ADAMTS12: variants seen among roughly 807,000 people sequenced by gnomAD.
The protein encoded by ADAMTS12 is A disintegrin and metalloproteinase with thrombospondin motifs 12.
Under a neutral mutation model 167.8 loss-of-function variants are expected in ADAMTS12, and 118 were observed. That is an observed-to-expected ratio of 0.70 (90% CI 0.61 to 0.82). The LOEUF is 0.82. Ranked by LOEUF, ADAMTS12 falls within the 40% of genes least tolerant of loss-of-function variation. ADAMTS12 has a pLI of 0.00. For synonymous variants in ADAMTS12, 704 were observed against 716.9 expected (o/e 0.98, Z 0.29); for missense variants, 1,916 against 1,998.8 (o/e 0.96, Z 0.79).
intron 2 of ADAMTS12, among the ~76,000 whole-genome samples, chr5:33,842,724 C>T (rs73760045): frequency 0.023 from 3,470 of 152,292 alleles, 138 homozygotes; most frequent in African/African-American, 0.079. Flanking sequence ...AGTGCAGAGA[C>T]CCTGTAGGTG....
At chr5:33,838,832 T>A (rs1012173282) in intron 2 of ADAMTS12, among the ~76,000 whole-genome samples, 8 of 152,012 alleles carry the variant, frequency 5.3e-5, no homozygotes, top group African/African-American at 1.9e-4. Flanking sequence ...AGGAAGAGCT[T>A]ACCACAGAAT....
At chr5:33,617,013 A>G (rs1739053472) in intron 14 of ADAMTS12, among the ~76,000 whole-genome samples, 1 of 152,174 alleles carries the variant, frequency 6.6e-6, no homozygotes, top group African/African-American at 2.4e-5. Context: ...TGCGAAAGGA[A>G]TTCTGGGGCA....
At chr5:33,848,627 T>C (rs985257826) in intron 2 of ADAMTS12, among the ~76,000 whole-genome samples, 4 of 152,192 alleles carry the variant, frequency 2.6e-5, no homozygotes, top group African/African-American at 9.7e-5. Flanking sequence ...TACAGGTTAC[T>C]TGAGGTTGTT....
chr5:33,694,702 T>C (rs1276931107), intron 3 of ADAMTS12, among the ~76,000 whole-genome samples: 2 of 152,210 alleles, frequency 1.3e-5, no homozygotes, highest in East Asian at 1.9e-4. Context: ...CATGCAGTGA[T>C]GGAAGCTTGA....
At chr5:33,790,973 A>G (rs1309284563) in intron 2 of ADAMTS12, among the ~76,000 whole-genome samples, 3 of 152,014 alleles carry the variant, frequency 2.0e-5, no homozygotes, top group African/African-American at 4.8e-5. Context: ...CATTGGTCAG[A>G]GGGTTGCATG....
intron 2 of ADAMTS12, among the ~76,000 whole-genome samples, chr5:33,844,543 A>C (rs997512344): frequency 6.6e-6 from 1 of 152,148 alleles, no homozygotes; most frequent in Non-Finnish European, 1.5e-5. Flanking sequence ...ATTCCCACCT[A>C]ATAAATTTTG....
intron 14 of ADAMTS12, 68 bp downstream of exon 14, chr5:33,624,163 C>T (rs55647002): frequency 6.3e-7 from 1 of 1,597,172 alleles, no homozygotes; most frequent in Non-Finnish European, 8.5e-7. Flanking sequence ...AACTAGGAAC[C>T]AATCAACCAT....
chr5:33,624,775 T>C (rs959412028), intron 13 of ADAMTS12, among the ~76,000 whole-genome samples: 11 of 152,172 alleles, frequency 7.2e-5, no homozygotes, highest in Non-Finnish European at 1.3e-4. Flanking sequence ...GACACTTAGA[T>C]TGAAAGTCAT....
At chr5:33,614,569 A>G (rs1738889022) in intron 15 of ADAMTS12, among the ~76,000 whole-genome samples, 193 bp from the exon 16 acceptor site, 1 of 152,214 alleles carries the variant, frequency 6.6e-6, no homozygotes, top group Non-Finnish European at 1.5e-5. Flanking sequence ...GTTCATATCT[A>G]TATATCTACA....
At chr5:33,632,379 T>C (rs976405817) in intron 12 of ADAMTS12, among the ~76,000 whole-genome samples, 1 of 69,324 alleles carries the variant, frequency 1.4e-5, no homozygotes, top group Non-Finnish European at 3.9e-5. Flanking sequence ...AACAAGCACA[T>C]GTGCTCCCTG....
chr5:33,794,667 A>G (rs1444152293), intron 2 of ADAMTS12, among the ~76,000 whole-genome samples: 2 of 152,214 alleles, frequency 1.3e-5, no homozygotes, highest in Non-Finnish European at 2.9e-5. Context: ...TGTGGATGGC[A>G]CATCAGTAGC....
intron 2 of ADAMTS12, among the ~76,000 whole-genome samples, chr5:33,820,326 T>C (rs1035604159): frequency 1.3e-5 from 2 of 152,202 alleles, no homozygotes; most frequent in African/African-American, 4.8e-5. Context: ...CTGCCAACAA[T>C]AATCAAGTTG....
chr5:33,679,898 C>T (rs1742046322), intron 5 of ADAMTS12, among the ~76,000 whole-genome samples: 1 of 152,160 alleles, frequency 6.6e-6, no homozygotes, highest in Admixed American at 6.5e-5. Context: ...TCAACTTGCT[C>T]AAAGGAGTCA....
intron 16 of ADAMTS12, among the ~76,000 whole-genome samples, chr5:33,596,715 TATC>T (rs1737903402): frequency 6.6e-6 from 1 of 152,206 alleles, no homozygotes; most frequent in South Asian, 2.1e-4. Context: ...TGAAAGTAGA[TATC>T]ATCACCAGGT....
intron 2 of ADAMTS12, among the ~76,000 whole-genome samples, chr5:33,802,082 T>C (rs920207359): frequency 2.0e-5 from 3 of 152,180 alleles, no homozygotes; most frequent in Admixed American, 2.0e-4. Context: ...AAGGTTACAG[T>C]GAGAAGGCAC....
At chr5:33,744,991 T>A (rs977890270) in intron 3 of ADAMTS12, among the ~76,000 whole-genome samples, 1 of 152,228 alleles carries the variant, frequency 6.6e-6, no homozygotes, top group African/African-American at 2.4e-5. Flanking sequence ...TTAAAAAAAA[T>A]TTTTTTGGTA....
chr5:33,660,711 G>A (rs1476127903), intron 6 of ADAMTS12, among the ~76,000 whole-genome samples: 3 of 152,128 alleles, frequency 2.0e-5, no homozygotes, highest in Admixed American at 6.5e-5. Flanking sequence ...GCTCCCCAGA[G>A]TCCCCGTGCT....
chr5:33,683,542 A>G (rs1742205676), intron 4 of ADAMTS12, among the ~76,000 whole-genome samples: 1 of 152,198 alleles, frequency 6.6e-6, no homozygotes, highest in African/African-American at 2.4e-5. Flanking sequence ...TCTTTGCCTC[A>G]GTTTACTCCT....
At chr5:33,685,544 A>C (rs538517292) in intron 3 of ADAMTS12, among the ~76,000 whole-genome samples, 1 of 152,344 alleles carries the variant, frequency 6.6e-6, no homozygotes, top group African/African-American at 2.4e-5. Flanking sequence ...ATGAATTTAG[A>C]CATGTTTGGC....
Sources: gnomAD v4.1 joint callset for allele counts (sites outside exome capture counted in the v4.1 genomes callset) on GRCh38, gnomAD v4.1.1 for gene constraint, MANE v1.5 for transcripts, NCBI Gene and HGNC (gene_info 2026-07-23, HGNC 2026-07-21) for gene names.